Variants in LIMD1 observed in about 807,000 individuals in gnomAD.
LIMD1 encodes LIM domain containing 1, also known as LIM domain-containing protein 1.
In LIMD1, 23 loss-of-function variants were observed where a neutral mutation model predicts 58.4. The ratio of observed to expected loss-of-function variants is 0.39; its 90% confidence interval spans 0.28 to 0.56. The LOEUF (loss-of-function observed/expected upper bound fraction) is 0.56. Among genes scored for constraint, LIMD1 ranks in the 20% least tolerant of loss-of-function variants. The pLI is 0.57. For synonymous variants in LIMD1, 334 were observed against 345.5 expected, an observed-to-expected ratio of 0.97 and a Z score of 0.37; for missense variants, 838 against 855.5, an observed-to-expected ratio of 0.98 and a Z score of 0.25.
chr3:45,613,769 A>T (rs1701551423), intron 1 of LIMD1, among the ~76,000 whole-genome samples: 1 of 152,078 alleles, frequency 6.6e-6, no homozygotes, highest in Non-Finnish European at 1.5e-5. Context: ...AAGTGCTGGA[A>T]TTATAGGCAT....
rs1701319612 is a variant in LIMD1, at chr3:45,594,805, A to ACACACACACACACACACACAC, written c.-74_-54dup. On this transcript the variant is annotated 5_prime_UTR_variant, in exon 1 of 8. Coordinates refer to ENST00000273317, the MANE Select transcript of LIMD1 (RefSeq NM_014240.3). ...CACACACACACACACACACACACACACACACACACACACACACACACACAC... is the reference window on the plus strand; with the variant it reads ...CACACACACACACACACACACACACACACACACACACACACACACACCACACACACACACACACACACACAC... The ACACACACACACACACACACAC allele has an allele frequency of 6.6e-6, 3 of 451,270 alleles. No homozygotes were observed. The highest frequency in any genetic ancestry group is 6.5e-5 in the African/African-American group (3 of 46,292). 28.0% of individuals were successfully genotyped at this position (451,270 alleles called of 1,614,324 possible). A position where few individuals can be genotyped will look rare whatever the true frequency, so the allele number is the denominator to read the frequency against.
At chr3:45,602,001 G>C (rs917457440) in intron 1 of LIMD1, among the ~76,000 whole-genome samples, 3 of 150,270 alleles carry the variant, frequency 2.0e-5, no homozygotes, top group Non-Finnish European at 3.0e-5. Context: ...GGAGTGCAGT[G>C]GCGCGATCTT....
chr3:45,636,276 T>C (rs1368687780), intron 2 of LIMD1, 25 bp downstream of exon 2: 15 of 1,522,222 alleles, frequency 9.9e-6, no homozygotes, highest in African/African-American at 1.4e-5. Flanking sequence ...GGGTGTCGGG[T>C]GTGTGGGGGA....
intron 1 of LIMD1, among the ~76,000 whole-genome samples, chr3:45,603,701 C>T (rs927404802): frequency 2.6e-5 from 4 of 152,162 alleles, no homozygotes; most frequent in Non-Finnish European, 5.9e-5. Flanking sequence ...CAGAGTCTCA[C>T]CATATTGCTT....
intron 1 of LIMD1, among the ~76,000 whole-genome samples, chr3:45,632,864 G>A (rs922207704): frequency 6.6e-5 from 10 of 152,170 alleles, no homozygotes; most frequent in Non-Finnish European, 1.0e-4. Flanking sequence ...AGCAGCAGCC[G>A]CGACACCACT....
chr3:45,640,525 T>G (rs1050576825), intron 2 of LIMD1, among the ~76,000 whole-genome samples: 5 of 152,132 alleles, frequency 3.3e-5, no homozygotes, highest in Non-Finnish European at 7.3e-5. Flanking sequence ...CCTCCCGGGT[T>G]CAAGCGATTC....
chr3:45,645,041 G>C (rs1473611440), intron 2 of LIMD1, among the ~76,000 whole-genome samples: 1 of 152,200 alleles, frequency 6.6e-6, no homozygotes, highest in Non-Finnish European at 1.5e-5. Context: ...CAGGACCTAA[G>C]GAAAAAGCTG....
intron 2 of LIMD1, among the ~76,000 whole-genome samples, chr3:45,662,247 T>C (rs780792984): frequency 4.0e-5 from 6 of 151,542 alleles, no homozygotes; most frequent in Non-Finnish European, 8.8e-5. Flanking sequence ...TAGTTTGTTA[T>C]TGCCTTTTCG....
intron 1 of LIMD1, among the ~76,000 whole-genome samples, chr3:45,604,891 A>G (rs1701453088): frequency 6.6e-6 from 1 of 152,194 alleles, no homozygotes. Flanking sequence ...TGTTTCTTCC[A>G]TCCAGCCCTC....
At chr3:45,605,693 G>C (rs899239579) in intron 1 of LIMD1, among the ~76,000 whole-genome samples, 4 of 152,226 alleles carry the variant, frequency 2.6e-5, no homozygotes, top group African/African-American at 9.6e-5. Context: ...CAAGCCACTG[G>C]TATGATGATG....
intron 2 of LIMD1, among the ~76,000 whole-genome samples, chr3:45,661,256 T>C (rs1380589512): frequency 1.3e-5 from 2 of 152,224 alleles, no homozygotes; most frequent in African/African-American, 4.8e-5. Flanking sequence ...CACTCAAAGA[T>C]AATGACTTAA....
At chr3:45,618,995 A>T (rs1293492299) in intron 1 of LIMD1, among the ~76,000 whole-genome samples, 1 of 152,204 alleles carries the variant, frequency 6.6e-6, no homozygotes, top group Non-Finnish European at 1.5e-5. Flanking sequence ...TGTAAACTTA[A>T]CAATATTTGG....
In LIMD1 at chr3:45,677,189, G is replaced by C. The variant is rs1175771368; in HGVS notation, c.*130G>C. 2 of 1,009,678 alleles carry C rather than the reference G, an allele frequency of 2.0e-6. No homozygotes were observed. The highest frequency in any genetic ancestry group is 4.5e-5 in the Admixed American group (2 of 44,266). The allele number at this position is 1,009,678 out of a possible 1,614,324, so 62.5% of individuals were successfully genotyped here. A position where few individuals can be genotyped will look rare whatever the true frequency, so the allele number is the denominator to read the frequency against. On this transcript the variant is annotated 3_prime_UTR_variant, in exon 8 of 8. Transcript: ENST00000273317. ...CAGGAGGGAGAGTTCCTGTGAGCAT[G>C]TGGGGGGTGCCTTTCCTTTAACCAG...
At chr3:45,633,314 A>G (rs747880149) in intron 1 of LIMD1, among the ~76,000 whole-genome samples, 3 of 152,152 alleles carry the variant, frequency 2.0e-5, no homozygotes, top group Non-Finnish European at 2.9e-5. Flanking sequence ...GAAATATTCT[A>G]TATCTTGATT....
At chr3:45,641,695 C>T (rs1353007336) in intron 2 of LIMD1, among the ~76,000 whole-genome samples, 1 of 152,046 alleles carries the variant, frequency 6.6e-6, no homozygotes, top group Admixed American at 6.6e-5. Flanking sequence ...TACAACAAGC[C>T]ACTGTTACTT....
intron 2 of LIMD1, among the ~76,000 whole-genome samples, chr3:45,646,357 C>G (rs1701908008): frequency 6.6e-6 from 1 of 152,232 alleles, no homozygotes; most frequent in African/African-American, 2.4e-5. Flanking sequence ...TTTCTGAGAT[C>G]TGTGTGTGCA....
chr3:45,618,383 A>G lies in LIMD1; in HGVS notation c.1409-17767A>G, dbSNP rs544811463. ...AAGGGCCCTGCTGTCCTATGGGGAC[A>G]GTTCCAATACAGTGTGGTCATTACC... On this transcript the variant is annotated intron_variant, in intron 1 of 7. Transcript: ENST00000273317. Among the ~76,000 whole-genome samples, 42 of 152,268 alleles carry G rather than the reference A, an allele frequency of 2.8e-4. No individual in the cohort carries two copies. In the South Asian group the frequency reaches 8.3e-3, roughly 30 times the overall value.
At chr3:45,598,461 G>A (rs1396974062) in intron 1 of LIMD1, among the ~76,000 whole-genome samples, 1 of 152,182 alleles carries the variant, frequency 6.6e-6, no homozygotes, top group Non-Finnish European at 1.5e-5. Context: ...GTGCATCAGA[G>A]CAACGGTATT....
chr3:45,648,549 A>G (rs561011270), intron 2 of LIMD1, among the ~76,000 whole-genome samples: 2 of 152,336 alleles, frequency 1.3e-5, no homozygotes, highest in Non-Finnish European at 2.9e-5. Flanking sequence ...GAACATTCCT[A>G]GGCAGGTGTT....
Sources: gnomAD v4.1 joint callset for allele counts (sites outside exome capture counted in the v4.1 genomes callset) on GRCh38, gnomAD v4.1.1 for gene constraint, MANE v1.5 for transcripts, NCBI Gene and HGNC (gene_info 2026-07-23, HGNC 2026-07-21) for gene names.